The following CCDC158 variants were observed in gnomAD, a reference collection of about 807,000 sequenced individuals.
CCDC158 encodes coiled-coil domain containing 158.
In CCDC158, 116 loss-of-function variants were observed where a neutral mutation model predicts 138.6. The ratio of observed to expected loss-of-function variants is 0.84; its 90% CI spans 0.72 to 0.98. CCDC158 has a LOEUF of 0.98. CCDC158 is among the 50% of genes least tolerant of loss of function. CCDC158 has a pLI of 0.00. For synonymous variants in CCDC158, 436 were observed against 442.4 expected (o/e 0.99, Z 0.18); for missense variants, 1,265 against 1,306.1 (o/e 0.97, Z 0.48).
At chr4:76,366,908 G>T (rs1480281450) in intron 12 of CCDC158, among the ~76,000 whole-genome samples, 2 of 151,900 alleles carry the variant, frequency 1.3e-5, no homozygotes, top group Admixed American at 1.3e-4. Flanking sequence ...TTTTTGGTTT[G>T]GTTTTGTTTA....
At chr4:76,315,391 C>A (rs1030141681) in intron 24 of CCDC158, among the ~76,000 whole-genome samples, 1 of 152,156 alleles carries the variant, frequency 6.6e-6, no homozygotes, top group Admixed American at 6.5e-5. Context: ...GCACATCACC[C>A]GATAAACCCA....
chr4:76,315,614 A>C (rs1236323487), intron 24 of CCDC158, among the ~76,000 whole-genome samples: 1 of 152,258 alleles, frequency 6.6e-6, no homozygotes, highest in African/African-American at 2.4e-5. Context: ...AACCAGAGGT[A>C]CTAAGTCTGT....
intron 8 of CCDC158, among the ~76,000 whole-genome samples, chr4:76,381,012 G>A (rs1399258363): frequency 6.6e-6 from 1 of 152,236 alleles, no homozygotes; most frequent in Non-Finnish European, 1.5e-5. Context: ...AAGAGTTGAG[G>A]TTTGGAAACC....
At chr4:76,421,681 C>G (rs932778016), upstream of CCDC158, 3 of 151,422 alleles carry the variant, frequency 2.0e-5, no homozygotes, top group African/African-American at 4.9e-5. Flanking sequence ...CACCTCACCC[C>G]CCCCTCCCAT....
At chr4:76,381,743 G>A (rs184969865) in intron 8 of CCDC158, among the ~76,000 whole-genome samples, 222 of 152,168 alleles carry the variant, frequency 1.5e-3, no homozygotes, top group Middle Eastern at 3.4e-3. Flanking sequence ...GTGCAGTGGC[G>A]TGATCTTGGC....
chr4:76,369,731 T>C (rs1346338505), intron 10 of CCDC158, 108 bp from the exon 11 acceptor site: 5 of 916,574 alleles, frequency 5.5e-6, no homozygotes, highest in Non-Finnish European at 8.1e-6. Context: ...CAGACACCTT[T>C]GATTTTGGAA....
intron 3 of CCDC158, among the ~76,000 whole-genome samples, chr4:76,402,480 C>T (rs1728481702): frequency 6.6e-6 from 1 of 152,222 alleles, no homozygotes; most frequent in African/African-American, 2.4e-5. Context: ...AGCTGCTTTT[C>T]TCATTGTCCT....
intron 1 of CCDC158, among the ~76,000 whole-genome samples, chr4:76,413,944 T>C (rs1729492263): frequency 1.3e-5 from 2 of 152,204 alleles, no homozygotes; most frequent in African/African-American, 4.8e-5. Context: ...TTCTTTTTTC[T>C]TTCTTTCTTT....
chr4:76,391,016 C>T (rs963099503), intron 4 of CCDC158, among the ~76,000 whole-genome samples: 3 of 151,838 alleles, frequency 2.0e-5, no homozygotes, highest in Non-Finnish European at 4.4e-5. Context: ...AGAGATAAGC[C>T]TCAATACAAC....
intron 19 of CCDC158, 69 bp downstream of exon 19, chr4:76,333,941 C>A: frequency 8.8e-7 from 1 of 1,141,862 alleles, no homozygotes; most frequent in Non-Finnish European, 1.2e-6. Flanking sequence ...CAGAGAGTAA[C>A]ATGTGAATAA....
chr4:76,416,231 G>T (rs552489887), intron 1 of CCDC158, among the ~76,000 whole-genome samples: 71 of 152,182 alleles, frequency 4.7e-4, no homozygotes, highest in Middle Eastern at 6.8e-3. Context: ...ACCTATCATT[G>T]GAGATGGCTC....
chr4:76,415,894 A>G (rs1423133687), intron 1 of CCDC158, among the ~76,000 whole-genome samples: 1 of 152,050 alleles, frequency 6.6e-6, no homozygotes. Flanking sequence ...GGGAGTCTCA[A>G]TTTCCCCGGG....
At chr4:76,403,825 G>A (rs140797179) in intron 2 of CCDC158, among the ~76,000 whole-genome samples, 1 of 152,128 alleles carries the variant, frequency 6.6e-6, no homozygotes, top group Non-Finnish European at 1.5e-5. Context: ...CAAATAATCT[G>A]CAAGTACAGG....
chr4:76,355,798 C>CGTGTGTGTGTGTGTGTGT (rs71212417), intron 14 of CCDC158, among the ~76,000 whole-genome samples: 14 of 145,584 alleles, frequency 9.6e-5, no homozygotes, highest in Non-Finnish European at 1.8e-4. Context: ...AATATATGTA[C>CGTGTGTGTGTGTGTGTGT]GTGTGTGTGT....
At chr4:76,401,496 C>T (rs1173887123) in intron 3 of CCDC158, 1 of 247,472 alleles carries the variant, frequency 4.0e-6, no homozygotes. Context: ...TAAGAGAACG[C>T]TGGCAACTAA....
Position 76,334,155 on chromosome 4 carries a change from C to T in CCDC158, c.2677G>A (p.Ala893Thr). Reference protein sequence around the residue: ...ASFLSHHSTKANTLKEDPTRD... With the variant: ...ASFLSHHSTKTNTLKEDPTRD... The stretch of plus-strand genomic sequence containing the variant: ...GTTGGATCTTCCTTCAGTGTGTTAG[C>T]TTTTGTAGAGTGCTGAGTTAAAACA... The change falls in exon 19 of 25, where the codon GCT (alanine) becomes ACT (threonine). Residue 893 changes from alanine (A) to threonine (T), a missense_variant. Physicochemically the swap from Ala to Thr is moderately conservative, Grantham distance 58. Transcript: ENST00000682701. 6.2e-7 allele frequency: 1 copy of T among 1,606,496 alleles called. No homozygotes were observed. Among genetic ancestry groups the T allele is most frequent in the Non-Finnish European group, 8.5e-7 (1 of 1,175,148 alleles).
At chr4:76,340,617 T>G (rs1383188262) in intron 18 of CCDC158, among the ~76,000 whole-genome samples, 1 of 152,026 alleles carries the variant, frequency 6.6e-6, no homozygotes, top group African/African-American at 2.4e-5. Context: ...CAGATGAGAT[T>G]AGGGAGTAGA....
At chr4:76,381,870 A>G (rs377070715) in intron 8 of CCDC158, among the ~76,000 whole-genome samples, 1 of 151,952 alleles carries the variant, frequency 6.6e-6, no homozygotes, top group Non-Finnish European at 1.5e-5. Flanking sequence ...TTTAGTGGAG[A>G]CAGGGTTTCA....
chr4:76,370,808 AT>A (rs1287315020), intron 10 of CCDC158, among the ~76,000 whole-genome samples: 3 of 152,332 alleles, frequency 2.0e-5, no homozygotes, highest in Non-Finnish European at 4.4e-5. Flanking sequence ...TCTCAGTTCT[AT>A]CCTTACCTCA....
Sources: allele counts gnomAD v4.1 joint callset (sites outside exome capture counted in the v4.1 genomes callset), GRCh38; gene constraint gnomAD v4.1.1; transcripts MANE v1.5; gene names NCBI Gene and HGNC (gene_info 2026-07-23, HGNC 2026-07-21).